The following SMARCA2 variants were observed in gnomAD, a reference collection of about 807,000 sequenced individuals.
SMARCA2 encodes SWI/SNF related BAF chromatin remodeling complex subunit ATPase 2, also known as SWI/SNF-related matrix-associated actin-dependent regulator of chromatin subfamily A member 2.
Under a neutral mutation model 199.8 loss-of-function variants are expected in SMARCA2, and 61 were observed. That is an observed-to-expected ratio of 0.31 (90% CI 0.25 to 0.38). SMARCA2 has a LOEUF of 0.38. Among genes scored for constraint, SMARCA2 ranks in the 10% least tolerant of loss-of-function variants. SMARCA2 has a pLI of 1.00. For synonymous variants in SMARCA2, 935 were observed against 732.0 expected (o/e 1.28, Z -4.48); for missense variants, 1,344 against 2,012.2 (o/e 0.67, Z 6.35).
chr9:2,157,755 T>C, intron 27 of SMARCA2: 1 of 394,670 alleles, frequency 2.5e-6, no homozygotes, highest in Non-Finnish European at 4.5e-6. Context: ...TGTTTACCTA[T>C]TCATAATCAT....
In SMARCA2 at chr9:2,148,649, C is replaced by G. The variant is rs1307950885; in HGVS notation, c.3982-13037C>G. 2.6e-5 allele frequency among the ~76,000 whole-genome samples: 4 copies of G among 151,264 alleles called. 1 individual carries two copies. Among genetic ancestry groups the G allele is most frequent in the Non-Finnish European group, 4.4e-5 (3 of 67,644 alleles). On this transcript the variant is annotated intron_variant, in intron 27 of 33. Coordinates refer to ENST00000349721, the MANE Select transcript of SMARCA2 (RefSeq NM_003070.5). ...TGTTTTCTTTCTTTTTTCTGAGACA[C>G]ACGCACATGCCACCACACCCAACTA...
chr9:2,094,799 T>A (rs1049622975), intron 19 of SMARCA2, among the ~76,000 whole-genome samples: 1 of 152,188 alleles, frequency 6.6e-6, no homozygotes, highest in Non-Finnish European at 1.5e-5. Context: ...TGCACAGGGC[T>A]TTTTCTGTGG....
rs774425871 is a variant in SMARCA2 at position 2,097,482 on chromosome 9, A to G, written c.3078+11A>G. Reference sequence around the variant, plus strand: ...TTTCAGCACATTGAGGTAAGTCTGTATTGTGTGTTTTGAGCCTGATTGTGC... The same window carrying G: ...TTTCAGCACATTGAGGTAAGTCTGTGTTGTGTGTTTTGAGCCTGATTGTGC... On this transcript the variant is annotated intron_variant, in intron 21 of 33. Coordinates refer to ENST00000349721, the MANE Select transcript of SMARCA2 (RefSeq NM_003070.5). 2 of 1,548,972 alleles carry G rather than the reference A, an allele frequency of 1.3e-6. No homozygotes were observed. The highest frequency in any genetic ancestry group is 8.9e-7 in the Non-Finnish European group (1 of 1,123,398).
rs920558457 is a variant in SMARCA2, at chr9:2,039,189, G to T, written c.356-277G>T. Among the ~76,000 whole-genome samples, 8 of 150,784 alleles carry T rather than the reference G, an allele frequency of 5.3e-5. No individual in the cohort carries two copies. Among genetic ancestry groups the T allele is most frequent in the African/African-American group, 1.7e-4 (7 of 41,046 alleles). On this transcript the variant is annotated intron_variant, in intron 3 of 33. Transcript: ENST00000349721. This position sits in a 1 kb window ranked among gnomAD's most constrained non-coding sequence, Gnocchi z 4.8. ...TTTTACATTTTAAAATGATGTTTTG[G>T]GTATGTTGGTTTAAGTAAAATACAT... is the stretch of plus-strand genomic sequence containing the variant.
At chr9:2,063,915 T>C (rs763435597) in intron 9 of SMARCA2, among the ~76,000 whole-genome samples, 5 of 152,222 alleles carry the variant, frequency 3.3e-5, no homozygotes, top group Non-Finnish European at 5.9e-5. Context: ...TAAATCATTT[T>C]GTAACTTCTC....
intron 29 of SMARCA2, among the ~76,000 whole-genome samples, chr9:2,176,170 C>A (rs192303665): frequency 2.9e-5 from 4 of 138,844 alleles, no homozygotes; most frequent in Non-Finnish European, 6.0e-5. Flanking sequence ...CATGAGCCAC[C>A]GCGCCCGGCC....
intron 14 of SMARCA2, among the ~76,000 whole-genome samples, chr9:2,081,462 G>C (rs1278421301): frequency 6.6e-6 from 1 of 152,228 alleles, no homozygotes; most frequent in African/African-American, 2.4e-5. Context: ...TCTGTGATCT[G>C]TGTGCCAAAT....
chr9:2,153,197 C>A (rs1825169125), intron 27 of SMARCA2, among the ~76,000 whole-genome samples: 1 of 152,152 alleles, frequency 6.6e-6, no homozygotes, highest in Non-Finnish European at 1.5e-5. Context: ...GACGTGTATT[C>A]TATATCGTAA....
At chr9:2,184,086 C>T (rs1196741858) in intron 31 of SMARCA2, among the ~76,000 whole-genome samples, 3 of 152,134 alleles carry the variant, frequency 2.0e-5, no homozygotes, top group Non-Finnish European at 2.9e-5. Flanking sequence ...CTTTGAGGTT[C>T]CCCTGCACTG....
intron 4 of SMARCA2, chr9:2,043,136 A>C (rs991443710): frequency 6.6e-6 from 1 of 152,176 alleles, no homozygotes; most frequent in Non-Finnish European, 1.5e-5. Flanking sequence ...GATATTATTC[A>C]CTTACGTAGA....
chr9:2,074,304 G>A (rs984993134), intron 12 of SMARCA2, among the ~76,000 whole-genome samples: 1 of 152,152 alleles, frequency 6.6e-6, no homozygotes, highest in Middle Eastern at 3.2e-3. Context: ...ATTACAAATA[G>A]AAGGATTAAA....
At position 2,076,219 on chromosome 9, in the gene SMARCA2, C is replaced by T. The variant is rs73389110; in HGVS notation, c.1936-10C>T. On this transcript the variant is annotated splice_polypyrimidine_tract_variant and intron_variant, in intron 12 of 33. Transcript: ENST00000349721. ...ATATAATTTCCTCCCTATCTTTGTT[C>T]CTTTTCCAGGATGAGGAAGAAGAGT... The T allele has an allele frequency of 2.7e-6, 4 of 1,477,114 alleles. No individual in the cohort carries two copies. The highest frequency in any genetic ancestry group is 1.7e-4 in the Middle Eastern group (1 of 5,806). The allele number at this position is 1,477,114 out of a possible 1,614,324, so 91.5% of individuals were successfully genotyped here.
chr9:2,075,528 C>T (rs1333911903), intron 12 of SMARCA2: 1 of 152,276 alleles, frequency 6.6e-6, no homozygotes, highest in East Asian at 1.9e-4. Flanking sequence ...TCTCAGTACT[C>T]TGCAATGTGT....
intron 24 of SMARCA2, among the ~76,000 whole-genome samples, chr9:2,111,398 G>A (rs1389392536): frequency 2.6e-5 from 4 of 151,650 alleles, no homozygotes; most frequent in African/African-American, 9.7e-5. Flanking sequence ...AGGCTGAGGT[G>A]GGAGGATTGT....
chr9:2,140,894 C>G (rs939125522), intron 27 of SMARCA2, among the ~76,000 whole-genome samples: 1 of 151,722 alleles, frequency 6.6e-6, no homozygotes, highest in African/African-American at 2.4e-5. Flanking sequence ...GTACTGGGCA[C>G]TTGGTGCCAG....
chr9:2,041,782 A>G (rs1007260068), intron 4 of SMARCA2: 33 of 174,080 alleles, frequency 1.9e-4, no homozygotes, highest in African/African-American at 6.8e-4. Flanking sequence ...TCCTAAAAGT[A>G]TTTAGAGGTT....
chr9:2,032,330 C>G (rs1819106136), intron 2 of SMARCA2, among the ~76,000 whole-genome samples: 1 of 152,200 alleles, frequency 6.6e-6, no homozygotes, highest in African/African-American at 2.4e-5. Context: ...TTGGGTCCAG[C>G]CCCTGTGTTC....
At chr9:2,112,689 A>T (rs1462224650) in intron 24 of SMARCA2, among the ~76,000 whole-genome samples, 2 of 152,218 alleles carry the variant, frequency 1.3e-5, no homozygotes, top group Non-Finnish European at 2.9e-5. Flanking sequence ...TGCCATAGGT[A>T]GATTCACTTC....
chr9:2,060,716 A>G lies in SMARCA2; in HGVS notation c.1522-100A>G, dbSNP rs147376767. Reference sequence around the variant, plus strand: ...AACTCATCCAGTTTGCTACACTCCTACCAGTCAAAATGCAGACTGTCAAGG... The same window carrying G: ...AACTCATCCAGTTTGCTACACTCCTGCCAGTCAAAATGCAGACTGTCAAGG... On this transcript the variant is annotated intron_variant, in intron 8 of 33. Transcript: ENST00000349721. The G allele has an allele frequency of 6.8e-5, 76 of 1,124,806 alleles. 1 individual carries two copies. In the East Asian group the frequency reaches 1.7e-3, roughly 25 times the overall value. The allele number at this position is 1,124,806 out of a possible 1,614,324, so 69.7% of individuals were successfully genotyped here.
Sources: gnomAD v4.1 joint callset for allele counts (sites outside exome capture counted in the v4.1 genomes callset) on GRCh38, gnomAD v4.1.1 for gene constraint, Gnocchi (gnomAD v3.1) non-coding constraint, MANE v1.5 for transcripts, NCBI Gene and HGNC (gene_info 2026-07-23, HGNC 2026-07-21) for gene names.